The following C8orf34 variants were observed in gnomAD, a reference collection of about 807,000 sequenced individuals.
The protein encoded by C8orf34 is uncharacterized protein C8orf34.
A neutral mutation model predicts 68.3 loss-of-function variants in C8orf34; 65 were observed. That is an observed-to-expected ratio of 0.95 (90% CI 0.78 to 1.17). The LOEUF (loss-of-function observed/expected upper bound fraction) is 1.17, where lower values mean the gene tolerates loss of function less well. C8orf34 is among the 50% of genes most tolerant of loss of function. The probability of loss-of-function intolerance (pLI) is 0.00; values close to 1 mark genes in which losing one functional copy is unlikely to be tolerated. For synonymous variants in C8orf34, 244 were observed against 241.2 expected, an observed-to-expected ratio of 1.01 and a Z score of -0.11; for missense variants, 664 against 655.4, an observed-to-expected ratio of 1.01 and a Z score of -0.14.
intron 3 of C8orf34, among the ~76,000 whole-genome samples, chr8:68,456,872 G>T (rs1267378885): frequency 6.6e-6 from 1 of 152,172 alleles, no homozygotes; most frequent in East Asian, 1.9e-4. Flanking sequence ...TTTGATGAAG[G>T]TTTTGCCTTG....
intron 5 of C8orf34, among the ~76,000 whole-genome samples, chr8:68,511,448 G>A (rs1459196764): frequency 1.3e-5 from 2 of 152,126 alleles, no homozygotes; most frequent in Admixed American, 1.3e-4. Flanking sequence ...TGGCGGGAAG[G>A]ACAGTTACAG....
At chr8:68,808,611 T>C (rs886114770) in intron 12 of C8orf34, among the ~76,000 whole-genome samples, 2 of 151,558 alleles carry the variant, frequency 1.3e-5, no homozygotes, top group Non-Finnish European at 2.9e-5. Flanking sequence ...ATTTATACTG[T>C]ATTAGTTATT....
intron 7 of C8orf34, among the ~76,000 whole-genome samples, chr8:68,605,340 C>T (rs1272162535): frequency 2.0e-5 from 3 of 152,044 alleles, no homozygotes; most frequent in Admixed American, 1.3e-4. Flanking sequence ...CCATATAATT[C>T]GGCAATTGCA....
chr8:68,795,477 G>A (rs771179067), intron 12 of C8orf34, among the ~76,000 whole-genome samples: 4 of 152,104 alleles, frequency 2.6e-5, no homozygotes, highest in Non-Finnish European at 5.9e-5. Context: ...GTTTGTTATT[G>A]CTGCTGTTTG....
chr8:68,601,147 C>T (rs1042387704), intron 7 of C8orf34, among the ~76,000 whole-genome samples: 13 of 152,046 alleles, frequency 8.6e-5, no homozygotes, highest in East Asian at 1.9e-4. Flanking sequence ...ATAAATCATG[C>T]GCTGTTTCTT....
chr8:68,431,842 T>A (rs1255899839), intron 1 of C8orf34, among the ~76,000 whole-genome samples: 1 of 152,206 alleles, frequency 6.6e-6, no homozygotes, highest in African/African-American at 2.4e-5. Flanking sequence ...GTTTAGTTTT[T>A]AGTTGTGGTA....
chr8:68,383,247 A>G (rs1808117866), intron 1 of C8orf34, among the ~76,000 whole-genome samples: 1 of 152,188 alleles, frequency 6.6e-6, no homozygotes, highest in Non-Finnish European at 1.5e-5. Context: ...TTCTGAATTT[A>G]CTTCAACTGT....
chr8:68,781,800 A>G (rs898914383), intron 11 of C8orf34, among the ~76,000 whole-genome samples: 5 of 152,210 alleles, frequency 3.3e-5, no homozygotes, highest in African/African-American at 4.8e-5. Context: ...CAATAATTCA[A>G]CATTTTAAAG....
intron 7 of C8orf34, among the ~76,000 whole-genome samples, chr8:68,603,446 T>C (rs1241864691): frequency 6.6e-6 from 1 of 151,950 alleles, no homozygotes; most frequent in Non-Finnish European, 1.5e-5. Flanking sequence ...CAGTTGTTCA[T>C]CTGGAATATA....
intron 3 of C8orf34, among the ~76,000 whole-genome samples, chr8:68,462,635 A>T (rs1198889006): frequency 6.6e-6 from 1 of 151,958 alleles, no homozygotes; most frequent in Non-Finnish European, 1.5e-5. Flanking sequence ...GGATTAAGAA[A>T]CTCACTCAAA....
intron 6 of C8orf34, among the ~76,000 whole-genome samples, chr8:68,523,401 A>G (rs6995240): frequency 0.5 from 75,414 of 151,918 alleles, 18,767 homozygotes; most frequent in Non-Finnish European, 0.52. Context: ...TCTTATTCCC[A>G]CCTGAATACT....
rs200981699 is a variant in C8orf34 at position 68,698,243 on chromosome 8, T to C, written c.1242-10751T>C. Among the ~76,000 whole-genome samples, 12 of 152,240 alleles carry C rather than the reference T, an allele frequency of 7.9e-5. No homozygotes were observed. In the East Asian group the frequency reaches 2.1e-3, roughly 27 times the overall value. ...TGTCTTTCTCTGGTACAAAGTAATA[T>C]TACTTTGGAATGTTCAGTATACTTG... On this transcript the variant is annotated intron_variant, in intron 8 of 13. Coordinates refer to ENST00000518698, the MANE Select transcript of C8orf34 (RefSeq NM_052958.4).
At chr8:68,547,088 G>A (rs1391750441) in intron 7 of C8orf34, among the ~76,000 whole-genome samples, 1 of 151,766 alleles carries the variant, frequency 6.6e-6, no homozygotes, top group Non-Finnish European at 1.5e-5. Context: ...ATCAAAATAT[G>A]TGAACATACA....
intron 10 of C8orf34, among the ~76,000 whole-genome samples, chr8:68,724,617 C>T (rs10110350): frequency 0.025 from 3,867 of 152,250 alleles, 162 homozygotes; most frequent in African/African-American, 0.086. Context: ...TTCCCTCTCC[C>T]TCTCTGCTCT....
intron 1 of C8orf34, among the ~76,000 whole-genome samples, chr8:68,385,656 G>A (rs1055977591): frequency 6.6e-6 from 1 of 152,122 alleles, no homozygotes; most frequent in African/African-American, 2.4e-5. Flanking sequence ...GCTTATCTGA[G>A]ATTTTTTTTC....
At chr8:68,713,078 G>A (rs1254020282) in intron 9 of C8orf34, among the ~76,000 whole-genome samples, 1 of 152,090 alleles carries the variant, frequency 6.6e-6, no homozygotes, top group East Asian at 1.9e-4. Context: ...TGATCATTGG[G>A]TCAACAAGGA....
intron 1 of C8orf34, among the ~76,000 whole-genome samples, chr8:68,350,058 G>C (rs954410009): frequency 1.3e-5 from 2 of 151,724 alleles, no homozygotes; most frequent in Admixed American, 6.6e-5. Flanking sequence ...TATGAAGTTA[G>C]GTTGTTAATT....
chr8:68,718,412 T>A (rs1036302774), intron 9 of C8orf34, among the ~76,000 whole-genome samples: 2 of 152,200 alleles, frequency 1.3e-5, no homozygotes, highest in African/African-American at 4.8e-5. Context: ...TTAAATAATA[T>A]ATCAAAAATG....
intron 7 of C8orf34, among the ~76,000 whole-genome samples, chr8:68,599,023 T>C (rs1817624455): frequency 6.6e-6 from 1 of 151,378 alleles, no homozygotes; most frequent in Non-Finnish European, 1.5e-5. Flanking sequence ...GGAATTCTAG[T>C]AGAAAAAGAA....
Sources: gnomAD v4.1 joint callset for allele counts (sites outside exome capture counted in the v4.1 genomes callset) on GRCh38, gnomAD v4.1.1 for gene constraint, MANE v1.5 for transcripts, NCBI Gene and HGNC (gene_info 2026-07-23, HGNC 2026-07-21) for gene names.